Variants in DIP2C observed in about 807,000 individuals in gnomAD.
DIP2C encodes disco-interacting protein 2 homolog C.
A neutral mutation model predicts 192.4 loss-of-function variants in DIP2C; 33 were observed. The ratio of observed to expected loss-of-function variants is 0.17; its 90% CI spans 0.13 to 0.23. DIP2C has a LOEUF of 0.23. Ranked by LOEUF, DIP2C falls within the 10% of genes least tolerant of loss-of-function variation. The pLI is 1.00. For synonymous variants in DIP2C, 979 were observed against 864.1 expected, an observed-to-expected ratio of 1.13 and a Z score of -2.33; for missense variants, 1,537 against 2,110.1, an observed-to-expected ratio of 0.73 and a Z score of 5.32.
At chr10:434,496 T>C (rs1270545617) in intron 4 of DIP2C, among the ~76,000 whole-genome samples, 1 of 152,186 alleles carries the variant, frequency 6.6e-6, no homozygotes, top group Non-Finnish European at 1.5e-5. Context: ...TGGTCTCAAA[T>C]AACCGGCCTC....
At position 662,213 on chromosome 10, in the gene DIP2C, C is replaced by CCTGTA. The variant is rs980774237; in HGVS notation, c.85+27280_85+27281insTACAG. On this transcript the variant is annotated intron_variant, in intron 1 of 36. Transcript: ENST00000280886. ...ATACACAAAGAGTACAGGCCTCACACCTGCTCTCATTCCTGGGTTCCTAGC... is the reference window on the plus strand; with the variant it reads ...ATACACAAAGAGTACAGGCCTCACACCTGTACTGCTCTCATTCCTGGGTTCCTAGC... The CCTGTA allele has an allele frequency of 1.7e-4, 112 of 674,844 alleles. No individual in the cohort carries two copies. The African/African-American group carries it at 1.7e-3, about 10-fold the overall frequency. The allele number at this position is 674,844 out of a possible 1,614,324, so 41.8% of individuals were successfully genotyped here.
chr10:407,935 AATTT>A (rs1165152715), intron 9 of DIP2C, among the ~76,000 whole-genome samples: 3 of 152,100 alleles, frequency 2.0e-5, no homozygotes, highest in Non-Finnish European at 4.4e-5. Flanking sequence ...GTAAATGTCC[AATTT>A]ATTTATTTTC....
intron 1 of DIP2C, among the ~76,000 whole-genome samples, chr10:625,180 G>C (rs532214452): frequency 3.5e-4 from 54 of 152,286 alleles, no homozygotes; most frequent in Non-Finnish European, 8.8e-5. Context: ...CAAACAGCTT[G>C]AACTCACTGT....
At chr10:515,405 G>A (rs546663726) in intron 1 of DIP2C, among the ~76,000 whole-genome samples, 4 of 152,248 alleles carry the variant, frequency 2.6e-5, no homozygotes, top group South Asian at 2.1e-4. Flanking sequence ...ACTGGCTTTT[G>A]GTTCATGAAG....
intron 3 of DIP2C, among the ~76,000 whole-genome samples, chr10:442,918 G>A (rs570538376): frequency 1.6e-4 from 24 of 152,218 alleles, no homozygotes; most frequent in South Asian, 1.0e-3. Context: ...TTTACCCTTC[G>A]TGAATCCAAG....
At chr10:676,614 CAAT>C (rs1360424485) in intron 1 of DIP2C, among the ~76,000 whole-genome samples, 1 of 151,732 alleles carries the variant, frequency 6.6e-6, no homozygotes, top group Non-Finnish European at 1.5e-5. Flanking sequence ...TATAGACCAA[CAAT>C]GAGCCAGTGG....
At position 370,999 on chromosome 10, in the gene DIP2C, A is replaced by G. The variant is rs73587817; in HGVS notation, c.1992-1366T>C. On this transcript the variant is annotated intron_variant, in intron 17 of 36. Coordinates refer to ENST00000280886, the MANE Select transcript of DIP2C (RefSeq NM_014974.3). ...CAGATATAAAAGAAAAGTCTCCCCA[A>G]ATAAGAAAACCCACACGGAACTACC... 6.4e-3 allele frequency among the ~76,000 whole-genome samples: 975 copies of G among 152,326 alleles called. 12 individuals carry two copies. The highest frequency in any genetic ancestry group is 0.023 in the African/African-American group (937 of 41,556).
Position 555,395 on chromosome 10 carries a change from C to T in DIP2C, c.86-68865G>A, listed in dbSNP as rs142282162. Among the ~76,000 whole-genome samples the T allele has an allele frequency of 5.7e-4, 87 of 152,288 alleles. 1 individual carries two copies. In the East Asian group the frequency reaches 0.014, roughly 24 times the overall value. On this transcript the variant is annotated intron_variant, in intron 1 of 36. Transcript: ENST00000280886. ...AAACCTAATAACCGAACTTCATTAA[C>T]GGTGAAAGAGTAAGGACACGCTGGC...
intron 1 of DIP2C, among the ~76,000 whole-genome samples, chr10:575,253 C>T (rs78090607): frequency 0.03 from 4,609 of 152,316 alleles, 231 homozygotes; most frequent in African/African-American, 0.1. Flanking sequence ...AATTAATCTA[C>T]ACATAAAACA....
intron 7 of DIP2C, among the ~76,000 whole-genome samples, chr10:414,430 TCCATTA>T (rs1965403279): frequency 6.6e-6 from 1 of 152,174 alleles, no homozygotes; most frequent in South Asian, 2.1e-4. Flanking sequence ...TGCTGAAATT[TCCATTA>T]CCAACATCAG....
intron 10 of DIP2C, among the ~76,000 whole-genome samples, chr10:397,340 G>A (rs1038220246): frequency 6.6e-6 from 1 of 152,104 alleles, no homozygotes; most frequent in Admixed American, 6.5e-5. Context: ...GACCAGCCTG[G>A]CCAACGTAAC....
At chr10:643,139 T>C (rs1461795412) in intron 1 of DIP2C, among the ~76,000 whole-genome samples, 2 of 149,320 alleles carry the variant, frequency 1.3e-5, no homozygotes, top group African/African-American at 5.0e-5. Context: ...GAGGCAGAGA[T>C]TGCAGTGAGT....
intron 1 of DIP2C, among the ~76,000 whole-genome samples, chr10:596,399 A>G (rs192949467): frequency 6.9e-6 from 1 of 144,222 alleles, no homozygotes; most frequent in Admixed American, 7.2e-5. Flanking sequence ...GGGAGGCTAA[A>G]GGAGGAGAAT....
intron 17 of DIP2C, among the ~76,000 whole-genome samples, chr10:378,786 C>T (rs1237075709): frequency 6.9e-6 from 1 of 144,818 alleles, no homozygotes; most frequent in East Asian, 2.1e-4. Flanking sequence ...CATGCCTAGA[C>T]ACCCATGGAC....
chr10:317,847 G>A (rs1956841932), intron 31 of DIP2C, among the ~76,000 whole-genome samples: 1 of 152,166 alleles, frequency 6.6e-6, no homozygotes, highest in Non-Finnish European at 1.5e-5. Context: ...CAAAAACACT[G>A]GTAGAATTCG....
chr10:448,817 T>C (rs1433927265), intron 3 of DIP2C, among the ~76,000 whole-genome samples: 8 of 87,230 alleles, frequency 9.2e-5, no homozygotes, highest in Admixed American at 2.1e-4. Context: ...GACCCACTCA[T>C]CCTCATCTAT....
At chr10:642,246 T>C (rs1009838834) in intron 1 of DIP2C, among the ~76,000 whole-genome samples, 3 of 152,214 alleles carry the variant, frequency 2.0e-5, no homozygotes, top group South Asian at 2.1e-4. Context: ...AGCAGTGCTC[T>C]GAAACCTCAG....
intron 1 of DIP2C, among the ~76,000 whole-genome samples, chr10:539,541 C>A (rs1847867224): frequency 6.6e-6 from 1 of 152,158 alleles, no homozygotes; most frequent in Admixed American, 6.5e-5. Context: ...TGCAACCCAC[C>A]CCCATGGGCA....
chr10:593,909 G>T (rs1001265131), intron 1 of DIP2C, among the ~76,000 whole-genome samples: 1 of 151,806 alleles, frequency 6.6e-6, no homozygotes, highest in African/African-American at 2.4e-5. Flanking sequence ...GTTAGCTGCC[G>T]AGTTAAAGGG....
Sources: allele counts gnomAD v4.1 joint callset (sites outside exome capture counted in the v4.1 genomes callset), GRCh38; gene constraint gnomAD v4.1.1; transcripts MANE v1.5; gene names NCBI Gene and HGNC (gene_info 2026-07-23, HGNC 2026-07-21).